FARP2: variants seen among roughly 807,000 people sequenced by gnomAD.
The protein encoded by FARP2 is FERM, ARH/RhoGEF and pleckstrin domain protein 2.
Under a neutral mutation model 130.5 loss-of-function variants are expected in FARP2, and 111 were observed. The ratio of observed to expected loss-of-function variants is 0.85; its 90% CI spans 0.73 to 1.00. FARP2 has a LOEUF of 1.00. Among genes scored for constraint, FARP2 ranks in the 50% least tolerant of loss-of-function variants. FARP2 has a pLI of 0.00. For synonymous variants in FARP2, 504 were observed against 516.9 expected (o/e 0.98, Z 0.34); for missense variants, 1,385 against 1,346.3 (o/e 1.03, Z -0.45).
rs2064898118 is a variant in FARP2 at position 241,491,304 on chromosome 2, G to C, written c.2623+125G>C. On this transcript the variant is annotated intron_variant, in intron 23 of 26. Coordinates refer to ENST00000264042, the MANE Select transcript of FARP2 (RefSeq NM_014808.4). ...CACACAATCCCCTTCCACAAGGAAT[G>C]TTCCAGGCTACGCCTCATGCCTGGG... 5 of 879,884 alleles carry C rather than the reference G, an allele frequency of 5.7e-6. No individual in the cohort carries two copies. In the East Asian group the frequency reaches 9.7e-5, roughly 17 times the overall value. 54.5% of individuals were successfully genotyped at this position (879,884 alleles called of 1,614,324 possible). A position where few individuals can be genotyped will look rare whatever the true frequency, so the allele number is the denominator to read the frequency against.
In FARP2 at chr2:241,475,091, T is replaced by TA. The variant is rs1168136519; in HGVS notation, c.2132-765dup. ...TCTGTTCCTGGTTAAAAGAGAAAGT[T>TA]ACAATTGCTTTGAAGGTGCAAATCA... is the stretch of plus-strand genomic sequence containing the variant. On this transcript the variant is annotated intron_variant, in intron 18 of 26. Transcript: ENST00000264042. The surrounding 1 kb of genome is among the most constrained non-coding windows in gnomAD (Gnocchi z 4.4). 6.6e-6 allele frequency among the ~76,000 whole-genome samples: 1 copy of TA among 152,256 alleles called. No individual in the cohort carries two copies. The highest frequency in any genetic ancestry group is 1.5e-5 in the Non-Finnish European group (1 of 68,042).
Position 241,493,000 on chromosome 2 carries a change from T to C in FARP2, c.2859T>C (p.Phe953=). The part of the protein sequence containing the change: ...SHGWQKLWVV[F]TNFCLFFYKT... ...GCTGGCAGAAGCTCTGGGTCGTCTT[T>C]ACCAACTTCTGTTTGTTCTTCTACA... The change falls in exon 25 of 27, where the codon TTT becomes TTC. Residue 953 remains phenylalanine (F), a synonymous_variant. Transcript: ENST00000264042. The C allele has an allele frequency of 4.3e-6, 7 of 1,610,658 alleles. No individual in the cohort carries two copies. The highest frequency in any genetic ancestry group is 5.9e-6 in the Non-Finnish European group (7 of 1,176,822).
chr2:241,377,490 C>T (rs543207890), intron 2 of FARP2, among the ~76,000 whole-genome samples: 176 of 152,144 alleles, frequency 1.2e-3, no homozygotes, highest in African/African-American at 3.9e-3. Flanking sequence ...TATAGGCGCC[C>T]GCCACCGCGC....
chr2:241,494,190 C>T lies in FARP2; in HGVS notation c.*65C>T. On this transcript the variant is annotated 3_prime_UTR_variant, in exon 27 of 27. Transcript: ENST00000264042. The surrounding 1 kb of genome is among the most constrained non-coding windows in gnomAD (Gnocchi z 4.9). Reference sequence around the variant, plus strand: ...AGCAGGACACAGAGGTGACCTCTGTCCTGAGGCTTCTCAACAGATGGGAAG... The same window carrying T: ...AGCAGGACACAGAGGTGACCTCTGTTCTGAGGCTTCTCAACAGATGGGAAG... 1 of 982,220 alleles carries T rather than the reference C, an allele frequency of 1.0e-6. No individual in the cohort carries two copies. Among genetic ancestry groups the T allele is most frequent in the South Asian group, 2.3e-5 (1 of 43,900 alleles). The allele number at this position is 982,220 out of a possible 1,614,324, so 60.8% of individuals were successfully genotyped here.
At chr2:241,441,712 T>C (rs1163078078) in intron 13 of FARP2, 156 bp downstream of exon 13, 12 of 1,151,450 alleles carry the variant, frequency 1.0e-5, no homozygotes, top group Non-Finnish European at 1.5e-5. Context: ...CACAGGCTCA[T>C]TTCCTTCCGG....
rs1386440518 is a variant in FARP2, at chr2:241,491,172, T to TC, written c.2622dup (p.Arg875GlnfsTer15). 3.1e-6 allele frequency: 5 copies of TC among 1,608,066 alleles called. No individual in the cohort carries two copies. Among genetic ancestry groups the TC allele is most frequent in the Non-Finnish European group, 4.3e-6 (5 of 1,175,434 alleles). On this transcript the variant is annotated frameshift_variant, in exon 23 of 27. Coordinates refer to ENST00000264042, the MANE Select transcript of FARP2 (RefSeq NM_014808.4). LOFTEE classifies it high-confidence loss of function. ...TGCCAGGCCGCACTGTGTGCACTCG[T>TC]CCCCCCAGTGAGTGCTGGCCACAAC... is the stretch of plus-strand genomic sequence containing the variant.
chr2:241,486,140 A>G (rs920721609), intron 21 of FARP2, among the ~76,000 whole-genome samples: 1 of 152,230 alleles, frequency 6.6e-6, no homozygotes, highest in Non-Finnish European at 1.5e-5. Flanking sequence ...AATTGAAAGT[A>G]TAAGACAGAA....
intron 17 of FARP2, among the ~76,000 whole-genome samples, chr2:241,467,461 C>T (rs1346431076): frequency 3.3e-5 from 5 of 151,994 alleles, no homozygotes; most frequent in Admixed American, 6.6e-5. Context: ...GCCTGGGCAA[C>T]ATGGTGAGAC....
chr2:241,404,727 G>A, intron 3 of FARP2, 72 bp from the exon 4 acceptor site: 1 of 1,196,206 alleles, frequency 8.4e-7, no homozygotes, highest in Non-Finnish European at 1.2e-6. Flanking sequence ...AACCATTTTT[G>A]TTTTTATAGC....
At chr2:241,423,760 G>A (rs1047737407) in intron 8 of FARP2, among the ~76,000 whole-genome samples, 5 of 151,928 alleles carry the variant, frequency 3.3e-5, no homozygotes, top group Non-Finnish European at 7.4e-5. Context: ...ATGAAGGGAT[G>A]GAATAAAATT....
chr2:241,436,398 A>T lies in FARP2; in HGVS notation c.1101-83A>T, dbSNP rs7601738. ...TTTTCTTGTGAGGTTTTCTTCATGG[A>T]TACAGTACATGCTTGCTGCTTTAAA... On this transcript the variant is annotated intron_variant, in intron 11 of 26. Coordinates refer to ENST00000264042, the MANE Select transcript of FARP2 (RefSeq NM_014808.4). 0.1 allele frequency: 119,107 copies of T among 1,180,970 alleles called. 6,412 individuals carry two copies. Among genetic ancestry groups the T allele is most frequent in the Middle Eastern group, 0.12 (625 of 5,220 alleles). The allele number at this position is 1,180,970 out of a possible 1,614,324, so 73.2% of individuals were successfully genotyped here. A position where few individuals can be genotyped will look rare whatever the true frequency, so the allele number is the denominator to read the frequency against.
intron 21 of FARP2, among the ~76,000 whole-genome samples, chr2:241,484,647 C>T (rs2064708121): frequency 6.6e-6 from 1 of 152,206 alleles, no homozygotes; most frequent in Non-Finnish European, 1.5e-5. Context: ...TTAGAGTCAG[C>T]CTCTGCAGCA....
intron 12 of FARP2, among the ~76,000 whole-genome samples, chr2:241,437,666 A>ATTTTTTTTTTTTTTT (rs1243876155): frequency 1.5e-5 from 2 of 129,244 alleles, no homozygotes; most frequent in Non-Finnish European, 3.4e-5. Flanking sequence ...TTATTTATTT[A>ATTTTTTTTTTTTTTT]TTTATTTTTT....
At chr2:241,465,613 T>G in intron 17 of FARP2, 2 of 1,550,730 alleles carry the variant, frequency 1.3e-6, no homozygotes, top group Non-Finnish European at 8.7e-7. Context: ...GGTCGTGCAT[T>G]GACTGTTCAG....
rs367897360 is a variant in FARP2 at position 241,449,453 on chromosome 2, T to C, written c.1412-7294T>C. On this transcript the variant is annotated intron_variant, in intron 13 of 26. Coordinates refer to ENST00000264042, the MANE Select transcript of FARP2 (RefSeq NM_014808.4). ...TTCTTCCTCCACTAATAGGCAAATA[T>C]TTTCAAGAATCATTTGTTAGAGTTT... 9.8e-5 allele frequency among the ~76,000 whole-genome samples: 15 copies of C among 152,330 alleles called. No individual in the cohort carries two copies. In the East Asian group the frequency reaches 1.5e-3, roughly 16 times the overall value.
chr2:241,366,121 ACG>A (rs375900701), intron 1 of FARP2, among the ~76,000 whole-genome samples: 239 of 65,808 alleles, frequency 3.6e-3, no homozygotes, highest in Non-Finnish European at 4.0e-3. Flanking sequence ...ATATATATAT[ACG>A]TATATATATA....
chr2:241,413,559 C>T (rs2062583525), intron 7 of FARP2, 138 bp downstream of exon 7: 1 of 657,316 alleles, frequency 1.5e-6, no homozygotes, highest in Non-Finnish European at 2.6e-6. Flanking sequence ...GGATGTGCAG[C>T]TGCTGCCAGA....
chr2:241,389,497 GT>G (rs2061859221), intron 2 of FARP2, among the ~76,000 whole-genome samples: 2 of 152,162 alleles, frequency 1.3e-5, no homozygotes, highest in African/African-American at 4.8e-5. Context: ...AGAAATAAAT[GT>G]TTGTTGTTGA....
intron 5 of FARP2, 124 bp downstream of exon 5, chr2:241,407,739 G>C: frequency 1.5e-6 from 1 of 687,506 alleles, no homozygotes; most frequent in Non-Finnish European, 2.5e-6. Context: ...GTGACCATGA[G>C]TGTAGAGTGG....
Sources: gnomAD v4.1 joint callset for allele counts (sites outside exome capture counted in the v4.1 genomes callset) on GRCh38, gnomAD v4.1.1 for gene constraint, Gnocchi (gnomAD v3.1) non-coding constraint, MANE v1.5 for transcripts, NCBI Gene and HGNC (gene_info 2026-07-23, HGNC 2026-07-21) for gene names.